Variants in TTC33 observed in about 807,000 individuals in gnomAD.
The protein encoded by TTC33 is tetratricopeptide repeat protein 33.
In TTC33, 24 loss-of-function variants were observed where a neutral mutation model predicts 29.4. The observed-to-expected ratio is 0.82, with a 90% CI of 0.59 to 1.15. The LOEUF (loss-of-function observed/expected upper bound fraction) is 1.15, where lower values mean the gene tolerates loss of function less well. Among genes scored for constraint, TTC33 ranks in the 50% most tolerant of loss-of-function variants. TTC33 has a pLI of 0.00. For synonymous variants in TTC33, 107 were observed against 100.3 expected (o/e 1.07, Z -0.40); for missense variants, 286 against 310.4 (o/e 0.92, Z 0.59).
At chr5:40,742,968 G>A (rs1742724348) in intron 2 of TTC33, among the ~76,000 whole-genome samples, 1 of 152,164 alleles carries the variant, frequency 6.6e-6, no homozygotes, top group Non-Finnish European at 1.5e-5. Flanking sequence ...GGCCTAGTAA[G>A]TGCCACAAAT....
chr5:40,747,354 G>C (rs74293598), intron 1 of TTC33, among the ~76,000 whole-genome samples: 1 of 152,002 alleles, frequency 6.6e-6, no homozygotes, highest in Non-Finnish European at 1.5e-5. Context: ...CACCACGCCC[G>C]GCCCAAAACT....
rs145562871 is a variant in TTC33 at position 40,721,560 on chromosome 5, A to G, written c.436-5062T>C. 4.1e-3 allele frequency among the ~76,000 whole-genome samples: 631 copies of G among 152,266 alleles called. 3 individuals are homozygous for G. Among genetic ancestry groups the G allele is most frequent in the African/African-American group, 0.015 (605 of 41,542 alleles). On this transcript the variant is annotated intron_variant, in intron 4 of 4. Transcript: ENST00000337702. ...GGGAAAACCGGATATCCGCGTGCAAAAGAATGAAAATGGATCCTCATCTTA... is the reference window on the plus strand; with the variant it reads ...GGGAAAACCGGATATCCGCGTGCAAGAGAATGAAAATGGATCCTCATCTTA...
At chr5:40,749,270 T>C (rs1359364665) in intron 1 of TTC33, among the ~76,000 whole-genome samples, 2 of 152,194 alleles carry the variant, frequency 1.3e-5, no homozygotes, top group Non-Finnish European at 2.9e-5. Flanking sequence ...AAAAATTTAC[T>C]AGTTGTATAG....
At chr5:40,754,284 T>C (rs1203998860) in intron 1 of TTC33, among the ~76,000 whole-genome samples, 1 of 152,098 alleles carries the variant, frequency 6.6e-6, no homozygotes, top group Non-Finnish European at 1.5e-5. Flanking sequence ...TCGACAAGTT[T>C]AACCTGAAAG....
chr5:40,723,911 T>C (rs980519509), intron 4 of TTC33, among the ~76,000 whole-genome samples: 1 of 152,128 alleles, frequency 6.6e-6, no homozygotes, highest in East Asian at 1.9e-4. Flanking sequence ...AGTGAGGTTA[T>C]GGAGAAACTG....
chr5:40,730,241 G>A, intron 3 of TTC33, 21 bp downstream of exon 3: 1 of 1,575,628 alleles, frequency 6.3e-7, no homozygotes, highest in Non-Finnish European at 8.7e-7. Context: ...TAAGGAAAGT[G>A]AAATTCTTCA....
chr5:40,736,079 GAAC>G (rs1265584617), intron 2 of TTC33, among the ~76,000 whole-genome samples: 7 of 152,208 alleles, frequency 4.6e-5, no homozygotes, highest in Admixed American at 4.6e-4. Flanking sequence ...GACAATTTCA[GAAC>G]AACGTTCCTG....
chr5:40,716,988 G>A (rs1261526294), intron 4 of TTC33, among the ~76,000 whole-genome samples: 1 of 152,062 alleles, frequency 6.6e-6, no homozygotes, highest in Non-Finnish European at 1.5e-5. Flanking sequence ...CAGCACTTTG[G>A]GAGGCTGAGG....
At chr5:40,730,840 G>A (rs915087460) in intron 2 of TTC33, among the ~76,000 whole-genome samples, 2 of 151,910 alleles carry the variant, frequency 1.3e-5, no homozygotes, top group African/African-American at 4.8e-5. Flanking sequence ...ACAGATAAGG[G>A]AGAAAAAAGT....
At chr5:40,721,102 T>C (rs553733276) in intron 4 of TTC33, among the ~76,000 whole-genome samples, 3 of 152,206 alleles carry the variant, frequency 2.0e-5, no homozygotes, top group Admixed American at 6.5e-5. Flanking sequence ...AAGAAAAGAA[T>C]TGGTCCACAC....
At chr5:40,740,212 A>C (rs895951732) in intron 2 of TTC33, among the ~76,000 whole-genome samples, 2 of 151,520 alleles carry the variant, frequency 1.3e-5, no homozygotes, top group Non-Finnish European at 2.9e-5. Context: ...ATCAGTCTTC[A>C]TACTTACCCA....
chr5:40,728,573 C>G, intron 3 of TTC33, 97 bp from the exon 4 acceptor site: 1 of 1,207,152 alleles, frequency 8.3e-7, no homozygotes, highest in Non-Finnish European at 1.1e-6. Flanking sequence ...TATTTTTAGT[C>G]CAGTAAAAAT....
intron 2 of TTC33, among the ~76,000 whole-genome samples, chr5:40,732,866 C>T (rs887862420): frequency 1.3e-5 from 2 of 152,078 alleles, no homozygotes; most frequent in African/African-American, 4.8e-5. Flanking sequence ...CCTCGGCCTC[C>T]CAAAGTGCTG....
chr5:40,739,714 G>A (rs558480618), intron 2 of TTC33, among the ~76,000 whole-genome samples: 51 of 152,284 alleles, frequency 3.3e-4, no homozygotes, highest in Non-Finnish European at 7.1e-4. Flanking sequence ...CCACAGAACC[G>A]TGAGCCAATT....
At chr5:40,744,521 A>G (rs1742756578) in intron 2 of TTC33, among the ~76,000 whole-genome samples, 1 of 151,636 alleles carries the variant, frequency 6.6e-6, no homozygotes, top group African/African-American at 2.4e-5. Flanking sequence ...ACAAAGAAAA[A>G]AGTGTGTCTT....
At chr5:40,744,060 T>TA (rs1742747460) in intron 2 of TTC33, among the ~76,000 whole-genome samples, 1 of 152,366 alleles carries the variant, frequency 6.6e-6, no homozygotes, top group South Asian at 2.1e-4. Flanking sequence ...TTAGTGTGGT[T>TA]AAAAGTTAAT....
chr5:40,717,063 T>C (rs1393048114), intron 4 of TTC33, among the ~76,000 whole-genome samples: 2 of 152,052 alleles, frequency 1.3e-5, no homozygotes, highest in Non-Finnish European at 2.9e-5. Context: ...ACCCTGTCTC[T>C]ACTAAAAATA....
intron 1 of TTC33, among the ~76,000 whole-genome samples, chr5:40,749,944 C>T (rs539590288): frequency 3.3e-5 from 5 of 152,028 alleles, no homozygotes; most frequent in East Asian, 1.9e-4. Flanking sequence ...AAAAATTATC[C>T]GGGCGTGGTG....
At position 40,736,106 on chromosome 5, in the gene TTC33, G is replaced by T. The variant is rs372787407; in HGVS notation, c.222-5763C>A. Reference sequence around the variant, plus strand: ...ACAACGTTCCTGAGAAGGCACAAGGGGATGGGGTCTAGAGTACAAGTGGAG... The same window carrying T: ...ACAACGTTCCTGAGAAGGCACAAGGTGATGGGGTCTAGAGTACAAGTGGAG... On this transcript the variant is annotated intron_variant, in intron 2 of 4. Transcript: ENST00000337702. Among the ~76,000 whole-genome samples, 18 of 152,288 alleles carry T rather than the reference G, an allele frequency of 1.2e-4. No individual in the cohort carries two copies. The East Asian group carries it at 2.7e-3, about 23-fold the overall frequency.
Sources: gnomAD v4.1 joint callset for allele counts (sites outside exome capture counted in the v4.1 genomes callset) on GRCh38, gnomAD v4.1.1 for gene constraint, MANE v1.5 for transcripts, NCBI Gene and HGNC (gene_info 2026-07-23, HGNC 2026-07-21) for gene names.